ZNF469: variants seen among roughly 807,000 people sequenced by gnomAD.
ZNF469 encodes the protein zinc finger protein 469.
In ZNF469, 1 loss-of-function variant was observed where a neutral mutation model predicts 1.0. The ratio of observed to expected loss-of-function variants is 1.00; its 90% CI spans 0.35 to 4.73. The LOEUF is 4.73. Ranked by LOEUF, ZNF469 falls within the 30% of genes most tolerant of loss-of-function variation. The pLI is 0.16. For missense variants in ZNF469, 6,100 were observed against 5,356.3 expected (o/e 1.14, Z -4.33); for synonymous variants, 2,703 against 2,363.4 (o/e 1.14, Z -4.17).
chr16:88,290,390 A>G, the ZNF469 span, among the ~76,000 whole-genome samples: 4 of 152,162 alleles, frequency 2.6e-5, no homozygotes, highest in African/African-American at 9.7e-5. Flanking sequence ...GAGCCTTTCG[A>G]AAGTCTGTTT....
At chr16:88,235,214 C>T in the ZNF469 span, among the ~76,000 whole-genome samples, 9 of 152,324 alleles carry the variant, frequency 5.9e-5, no homozygotes, top group African/African-American at 9.6e-5. Flanking sequence ...GTCGAAGCCA[C>T]GGGGTCTCTC....
the ZNF469 span, among the ~76,000 whole-genome samples, chr16:88,297,478 A>T: frequency 6.6e-6 from 1 of 152,146 alleles, no homozygotes; most frequent in South Asian, 2.1e-4. Context: ...CGTGGCCTGG[A>T]GGTGTCCGGC....
At chr16:88,202,807 G>A in the ZNF469 span, among the ~76,000 whole-genome samples, 20 of 152,224 alleles carry the variant, frequency 1.3e-4, no homozygotes, top group African/African-American at 4.6e-4. Context: ...GAGGGGCAGC[G>A]GCAGGGGCCG....
intron 1 of ZNF469, among the ~76,000 whole-genome samples, chr16:88,407,515 CG>C (rs1905055449): frequency 1.3e-5 from 2 of 152,218 alleles, no homozygotes; most frequent in Non-Finnish European, 2.9e-5. Flanking sequence ...GGACACCGAA[CG>C]AGGCCGTGTG....
chr16:88,164,930 C>T, the ZNF469 span, among the ~76,000 whole-genome samples: 1 of 152,164 alleles, frequency 6.6e-6, no homozygotes, highest in Non-Finnish European at 1.5e-5. Flanking sequence ...GGCTCAGGGC[C>T]AGGCAGTAGG....
intron 1 of ZNF469, among the ~76,000 whole-genome samples, chr16:88,408,889 C>G (rs1905077263): frequency 6.6e-6 from 1 of 151,970 alleles, no homozygotes; most frequent in Admixed American, 6.5e-5. Flanking sequence ...TACTTTTTCT[C>G]CAAATGATGA....
chr16:88,374,718 A>ATGTGCGGTGGGCTGAGCTCGGCGCTG, the ZNF469 span, among the ~76,000 whole-genome samples: 1 of 151,526 alleles, frequency 6.6e-6, no homozygotes, highest in Non-Finnish European at 1.5e-5. Flanking sequence ...GCTCAGCACC[A>ATGTGCGGTGGGCTGAGCTCGGCGCTG]TGTGCGGTGG....
upstream of ZNF469, among the ~76,000 whole-genome samples, chr16:88,381,489 C>T (rs572933546): frequency 6.6e-5 from 10 of 152,288 alleles, no homozygotes; most frequent in East Asian, 7.7e-4. Context: ...CCAGTAGAAA[C>T]GAGAAGGAAG....
At chr16:88,329,079 C>A in the ZNF469 span, among the ~76,000 whole-genome samples, 1 of 152,200 alleles carries the variant, frequency 6.6e-6, no homozygotes, top group Admixed American at 6.5e-5. Flanking sequence ...GTTCCTGTAT[C>A]CGACCCATGA....
At chr16:88,380,182 A>ACTCACACACAGAC, upstream of ZNF469, among the ~76,000 whole-genome samples, 1 of 97,390 alleles carries the variant, frequency 1.0e-5, no homozygotes, top group East Asian at 3.1e-4. Context: ...CTCACACACA[A>ACTCACACACAGAC]ATGCACTCAC....
intron 1 of ZNF469, among the ~76,000 whole-genome samples, chr16:88,389,029 C>G (rs140250926): frequency 2.2e-4 from 33 of 152,242 alleles, no homozygotes; most frequent in African/African-American, 8.0e-4. Context: ...ATAAAGCTCT[C>G]GAGTCACATA....
the ZNF469 span, among the ~76,000 whole-genome samples, chr16:88,120,077 C>T: frequency 1.4e-3 from 209 of 152,286 alleles, 1 homozygote; most frequent in Admixed American, 1.1e-3. Context: ...GAGGCTGCAC[C>T]GGGTAGAGTG....
At chr16:88,300,891 C>G in the ZNF469 span, among the ~76,000 whole-genome samples, 76 of 152,154 alleles carry the variant, frequency 5.0e-4, no homozygotes, top group African/African-American at 1.8e-3. Context: ...ATGGTGAAAC[C>G]GCGTCTCTAC....
chr16:88,188,131 C>G, the ZNF469 span, among the ~76,000 whole-genome samples: 1 of 150,580 alleles, frequency 6.6e-6, no homozygotes, highest in African/African-American at 2.4e-5. Flanking sequence ...TGCCTCTGCC[C>G]GTGCCGTGAC....
chr16:88,353,473 T>C, the ZNF469 span, among the ~76,000 whole-genome samples: 243 of 152,282 alleles, frequency 1.6e-3, 1 homozygote, highest in South Asian at 3.9e-3. Context: ...CTTCACGCTG[T>C]ACAGAGCCAC....
the ZNF469 span, among the ~76,000 whole-genome samples, chr16:88,214,792 T>C: frequency 6.6e-6 from 1 of 152,238 alleles, no homozygotes; most frequent in Non-Finnish European, 1.5e-5. Flanking sequence ...CTGAGAATGA[T>C]GGTATCCAGC....
chr16:88,355,535 G>A, the ZNF469 span, among the ~76,000 whole-genome samples: 19 of 152,242 alleles, frequency 1.2e-4, no homozygotes, highest in Admixed American at 2.6e-4. Flanking sequence ...AGCTGCTGCC[G>A]ATCCTGGGGG....
chr16:88,207,973 A>AT, the ZNF469 span, among the ~76,000 whole-genome samples: 2 of 152,142 alleles, frequency 1.3e-5, no homozygotes, highest in African/African-American at 4.8e-5. Context: ...CTTAATAAGT[A>AT]TTTTGTGAGC....
In ZNF469 at chr16:88,430,840, G is replaced by C. The variant is rs1567511440; in HGVS notation, c.3370G>C (p.Val1124Leu). The change falls in exon 3 of 3, where the codon GTG becomes CTG. Residue 1124 changes from valine to leucine, a missense_variant. Val to Leu is a conservative substitution (Grantham distance 32). Coordinates refer to ENST00000565624, the MANE Select transcript of ZNF469 (RefSeq NM_001367624.2). ...GGGCCGAGGCGAGAAGAGGAAGGAA[G>C]TGGAGCTGACCCAGGGTCCCAGAGA... ...RRGRGEKRKE[V>L]ELTQGPREDE... is the part of the protein sequence containing the mutation. 6.5e-7 allele frequency: 1 copy of C among 1,535,786 alleles called. No individual in the cohort carries two copies. Among genetic ancestry groups the C allele is most frequent in the Non-Finnish European group, 8.7e-7 (1 of 1,146,132 alleles).
Sources: allele counts gnomAD v4.1 joint callset (sites outside exome capture counted in the v4.1 genomes callset), GRCh38; gene constraint gnomAD v4.1.1; transcripts MANE v1.5; gene names NCBI Gene and HGNC (gene_info 2026-07-23, HGNC 2026-07-21).